The following CCDC32 variants were observed in gnomAD, a reference collection of about 807,000 sequenced individuals.
CCDC32 encodes coiled-coil domain containing 32, also known as coiled-coil domain-containing protein 32.
Under a neutral mutation model 20.1 loss-of-function variants are expected in CCDC32, and 9 were observed. The observed-to-expected ratio is 0.45, with a 90% CI of 0.27 to 0.78. The LOEUF (loss-of-function observed/expected upper bound fraction) is 0.78. Ranked by LOEUF, CCDC32 falls within the 30% of genes least tolerant of loss-of-function variation. The pLI is 0.16. For missense variants in CCDC32, 204 were observed against 215.5 expected (o/e 0.95, Z 0.33); for synonymous variants, 63 against 79.0 (o/e 0.80, Z 1.07).
At chr15:40,545,932 C>T (rs1423717060) in intron 3 of CCDC32, among the ~76,000 whole-genome samples, 1 of 152,200 alleles carries the variant, frequency 6.6e-6, no homozygotes, top group African/African-American at 2.4e-5. Flanking sequence ...CTCATTCTCT[C>T]TCTCTTCACC....
At position 40,553,747 on chromosome 15, in the gene CCDC32, C is replaced by T. The variant is rs975923825; in HGVS notation, c.*224G>A. 25 of 1,352,356 alleles carry T rather than the reference C, an allele frequency of 1.8e-5. No homozygotes were observed. Among genetic ancestry groups the T allele is most frequent in the Non-Finnish European group, 2.2e-5 (23 of 1,053,294 alleles). The allele number at this position is 1,352,356 out of a possible 1,614,324, so 83.8% of individuals were successfully genotyped here. A position where few individuals can be genotyped will look rare whatever the true frequency, so the allele number is the denominator to read the frequency against. On this transcript the variant is annotated 3_prime_UTR_variant, in exon 4 of 4. Transcript: ENST00000416810. ...TGTGCACTGGGTCAGTCACTTCATC[C>T]GAGACAGTCACACATGCCAGCCCCA...
downstream of CCDC32, chr15:40,536,273 A>T (rs1889105196): frequency 6.6e-6 from 1 of 152,376 alleles, no homozygotes; most frequent in Non-Finnish European, 1.5e-5. Context: ...CCACATCATC[A>T]CGCAGCACAG....
chr15:40,564,191 T>C (rs146413313), intron 1 of CCDC32, among the ~76,000 whole-genome samples: 83 of 152,290 alleles, frequency 5.5e-4, no homozygotes, highest in African/African-American at 1.9e-3. Context: ...AGATCCTGCT[T>C]GGTAAAAAGT....
At chr15:40,540,108 A>T in intron 3 of CCDC32, among the ~76,000 whole-genome samples, 1 of 152,164 alleles carries the variant, frequency 6.6e-6, no homozygotes, top group East Asian at 1.9e-4. Flanking sequence ...AGTACCAGAC[A>T]AGAGTGTGGG....
chr15:40,545,163 T>C (rs1889563490), intron 3 of CCDC32, among the ~76,000 whole-genome samples: 1 of 152,218 alleles, frequency 6.6e-6, no homozygotes, highest in African/African-American at 2.4e-5. Flanking sequence ...CTGTCTGCCT[T>C]GATCAGGCAC....
downstream of CCDC32, chr15:40,539,199 T>A (rs1889264975): frequency 6.6e-7 from 1 of 1,505,080 alleles, no homozygotes; most frequent in East Asian, 2.5e-5. Flanking sequence ...CAATCCCACA[T>A]GGTTCTGCAC....
chr15:40,561,081 C>T (rs1283479203), intron 2 of CCDC32, among the ~76,000 whole-genome samples: 4 of 152,090 alleles, frequency 2.6e-5, no homozygotes, highest in Admixed American at 2.6e-4. Context: ...GAGCTGGAGG[C>T]CATTATCCTC....
chr15:40,542,640 G>A (rs556554374), intron 3 of CCDC32, among the ~76,000 whole-genome samples: 9 of 151,578 alleles, frequency 5.9e-5, no homozygotes, highest in Non-Finnish European at 1.3e-4. Flanking sequence ...AGGCTGAGGC[G>A]GGAGGATCAC....
At chr15:40,529,087 C>G (rs530267280) in intron 3 of CCDC32, among the ~76,000 whole-genome samples, 4 of 152,222 alleles carry the variant, frequency 2.6e-5, no homozygotes, top group Non-Finnish European at 4.4e-5. Context: ...TGGACCCACA[C>G]GTACACTAGA....
chr15:40,556,891 A>G, intron 3 of CCDC32: 1 of 191,754 alleles, frequency 5.2e-6, no homozygotes, highest in South Asian at 1.6e-4. Flanking sequence ...GTAAGAAGAG[A>G]TGAAGAGATA....
chr15:40,531,004 C>T (rs1888858486), downstream of CCDC32, among the ~76,000 whole-genome samples: 1 of 151,750 alleles, frequency 6.6e-6, no homozygotes, highest in Non-Finnish European at 1.5e-5. Context: ...GCCACCGCAC[C>T]TGGCCAGATA....
chr15:40,537,583 A>G (rs1256038836), downstream of CCDC32: 3 of 152,094 alleles, frequency 2.0e-5, no homozygotes, highest in East Asian at 1.9e-4. Flanking sequence ...GTGATGACCA[A>G]CTCCCAAAAT....
downstream of CCDC32, chr15:40,537,363 C>T (rs1029973025): frequency 6.6e-6 from 1 of 152,368 alleles, no homozygotes; most frequent in African/African-American, 2.4e-5. Flanking sequence ...TGGCCCTGGG[C>T]TCTCATCCAC....
intron 3 of CCDC32, among the ~76,000 whole-genome samples, chr15:40,546,204 T>G (rs568658287): frequency 6.6e-6 from 1 of 151,968 alleles, no homozygotes; most frequent in Non-Finnish European, 1.5e-5. Context: ...TTTTTTTTTT[T>G]TTTCTGAGAT....
chr15:40,521,295 G>A, the CCDC32 span, among the ~76,000 whole-genome samples: 1 of 152,148 alleles, frequency 6.6e-6, no homozygotes, highest in Admixed American at 6.6e-5. Flanking sequence ...GCATATAGAT[G>A]GGATTATACA....
chr15:40,555,720 A>G (rs1344506221), intron 3 of CCDC32, among the ~76,000 whole-genome samples: 2 of 152,208 alleles, frequency 1.3e-5, no homozygotes, highest in East Asian at 1.9e-4. Context: ...TTGCAAGTAA[A>G]TGTACCTATG....
At chr15:40,523,509 A>C in the CCDC32 span, among the ~76,000 whole-genome samples, 13 of 151,552 alleles carry the variant, frequency 8.6e-5, no homozygotes, top group Middle Eastern at 3.2e-3. Flanking sequence ...CATCTCAAAA[A>C]AAAAAAAAAA....
downstream of CCDC32, among the ~76,000 whole-genome samples, chr15:40,524,014 T>A (rs1363361614): frequency 3.9e-5 from 6 of 152,158 alleles, no homozygotes; most frequent in African/African-American, 1.4e-4. Flanking sequence ...TTATTCACAG[T>A]AGCCAAAAAC....
chr15:40,526,338 T>C (rs1381052950), downstream of CCDC32, among the ~76,000 whole-genome samples: 1 of 152,232 alleles, frequency 6.6e-6, no homozygotes, highest in Non-Finnish European at 1.5e-5. Context: ...TACTGTTTTA[T>C]ATAACTGAAA....
Sources: allele counts gnomAD v4.1 joint callset (sites outside exome capture counted in the v4.1 genomes callset), GRCh38; gene constraint gnomAD v4.1.1; transcripts MANE v1.5; gene names NCBI Gene and HGNC (gene_info 2026-07-23, HGNC 2026-07-21).